The following TTYH3 variants were observed in gnomAD, a reference collection of about 807,000 sequenced individuals.
TTYH3 encodes tweety family member 3.
A neutral mutation model predicts 68.2 loss-of-function variants in TTYH3; 23 were observed. That is an observed-to-expected ratio of 0.34 (90% CI 0.24 to 0.48). The LOEUF (loss-of-function observed/expected upper bound fraction) is 0.48. Ranked by LOEUF, TTYH3 falls within the 20% of genes least tolerant of loss-of-function variation. The pLI is 0.99. For synonymous variants in TTYH3, 360 were observed against 332.8 expected (o/e 1.08, Z -0.89); for missense variants, 768 against 727.7 (o/e 1.06, Z -0.64).
chr7:2,661,645 G>A (rs760639030), intron 13 of TTYH3, 23 bp from the exon 14 acceptor site: 1 of 1,609,680 alleles, frequency 6.2e-7, no homozygotes, highest in East Asian at 2.2e-5. Context: ...CCCTGCTGAT[G>A]CCTCCCCCTT....
chr7:2,632,031 G>GCCGGA lies in TTYH3; in HGVS notation c.-123_-122insGGACC. 1 of 868,444 alleles carries GCCGGA rather than the reference G, an allele frequency of 1.2e-6. No individual in the cohort carries two copies. The highest frequency in any genetic ancestry group is 1.4e-6 in the Non-Finnish European group (1 of 689,658). 53.8% of individuals were successfully genotyped at this position (868,444 alleles called of 1,614,324 possible). ...GCCGGGCCGAGCCGGGCCGGGCCGGGCCCAGGAGCGCGCGGATGATGCGGG... is the reference window on the plus strand; with the variant it reads ...GCCGGGCCGAGCCGGGCCGGGCCGGGCCGGACCCAGGAGCGCGCGGATGATGCGGG... On this transcript the variant is annotated 5_prime_UTR_variant, in exon 1 of 14. Transcript: ENST00000258796.
At chr7:2,656,293 G>T in intron 10 of TTYH3, 105 bp from the exon 11 acceptor site, 1 of 1,566,694 alleles carries the variant, frequency 6.4e-7, no homozygotes, top group East Asian at 2.3e-5. Context: ...CCTCAGCCCT[G>T]CCTCTGGGGG....
At chr7:2,647,729 G>T (rs550195830) in intron 4 of TTYH3, 91 bp downstream of exon 4, 3 of 1,358,404 alleles carry the variant, frequency 2.2e-6, no homozygotes, top group East Asian at 5.0e-5. Flanking sequence ...AGTACATGAG[G>T]CCTGATGGGC....
intron 1 of TTYH3, chr7:2,646,013 G>A (rs2114984125): frequency 6.1e-6 from 2 of 327,138 alleles, no homozygotes; most frequent in Admixed American, 7.9e-5. Context: ...CGGGGGAGCA[G>A]CAGCACTTTT....
intron 1 of TTYH3, among the ~76,000 whole-genome samples, chr7:2,636,311 C>T (rs897943283): frequency 2.6e-5 from 4 of 152,170 alleles, no homozygotes; most frequent in African/African-American, 4.8e-5. Flanking sequence ...TTGTCATTTA[C>T]GAAAGCAGTA....
rs1434662669 is a variant in TTYH3 at position 2,632,114 on chromosome 7, C to A, written c.-42C>A. 1.2e-5 allele frequency: 16 copies of A among 1,313,488 alleles called. No homozygotes were observed. The highest frequency in any genetic ancestry group is 1.6e-5 in the Non-Finnish European group (16 of 1,026,512). The allele number at this position is 1,313,488 out of a possible 1,614,324, so 81.4% of individuals were successfully genotyped here. On this transcript the variant is annotated 5_prime_UTR_variant, in exon 1 of 14. Coordinates refer to ENST00000258796, the MANE Select transcript of TTYH3 (RefSeq NM_025250.3). ...CCGCGCCCCGGGCCAGCAAGGGAGC[C>A]CCGCGCAGGCCGCGCGCATCCGGAG...
At chr7:2,633,829 A>C (rs990190388) in intron 1 of TTYH3, among the ~76,000 whole-genome samples, 2 of 152,206 alleles carry the variant, frequency 1.3e-5, no homozygotes, top group Admixed American at 6.5e-5. Context: ...CCGAGCTGCC[A>C]GCCACAGTTG....
At chr7:2,659,237 C>T (rs1786424573) in intron 13 of TTYH3, among the ~76,000 whole-genome samples, 1 of 152,190 alleles carries the variant, frequency 6.6e-6, no homozygotes, top group Admixed American at 6.5e-5. Context: ...CAGCTCCTCC[C>T]CGCTGGCCTT....
chr7:2,633,927 C>T (rs1039624973), intron 1 of TTYH3, among the ~76,000 whole-genome samples: 2 of 152,224 alleles, frequency 1.3e-5, no homozygotes, highest in Non-Finnish European at 2.9e-5. Context: ...GTCTGCAGCC[C>T]ACAAGAGCCT....
chr7:2,636,372 CCCT>C (rs1562706064), intron 1 of TTYH3, among the ~76,000 whole-genome samples: 1 of 152,122 alleles, frequency 6.6e-6, no homozygotes, highest in African/African-American at 2.4e-5. Flanking sequence ...ACAGAAGCGT[CCCT>C]CCAGCTGGGT....
chr7:2,654,705 G>T (rs576070351), intron 9 of TTYH3, among the ~76,000 whole-genome samples: 21 of 152,288 alleles, frequency 1.4e-4, no homozygotes, highest in African/African-American at 4.6e-4. Context: ...TTTGCTTGTA[G>T]ACGCTGTCTT....
In TTYH3 at chr7:2,645,228, G is replaced by A. The variant is rs1276993342; in HGVS notation, c.124-1625G>A. Among the ~76,000 whole-genome samples the A allele has an allele frequency of 6.6e-6, 1 of 151,960 alleles. No individual in the cohort carries two copies. The highest frequency in any genetic ancestry group is 2.4e-5 in the African/African-American group (1 of 41,352). On this transcript the variant is annotated intron_variant, in intron 1 of 13. Transcript: ENST00000258796. The surrounding 1 kb of genome is among the most constrained non-coding windows in gnomAD (Gnocchi z 4.8). The stretch of plus-strand genomic sequence containing the variant: ...TCCCCCGGCACAGGAAGTGTGTGGA[G>A]GTTCTGGAGGGCTGAGCCGGGGGCA...
rs771582214 is a variant in TTYH3, at chr7:2,652,943, T to G, written c.953T>G (p.Leu318Arg). ...AAGCTGTCGGGCAGCCACAAGGCAC[T>G]GGTGGAGATGCAGGATGTCGTGGCT... ...QQKLSGSHKALVEMQDVVAEL... is the reference protein window; with the variant it reads ...QQKLSGSHKARVEMQDVVAEL... Residue 318 changes from leucine (L) to arginine (R), a missense_variant, in exon 9 of 14, where the codon CTG becomes CGG. By Grantham distance (102) the Leu-to-Arg change is moderately radical. Transcript: ENST00000258796. 3.7e-5 allele frequency: 59 copies of G among 1,575,138 alleles called. No homozygotes were observed. The highest frequency in any genetic ancestry group is 4.9e-5 in the Non-Finnish European group (57 of 1,160,696).
chr7:2,643,580 CT>C (rs1294784001), intron 1 of TTYH3, among the ~76,000 whole-genome samples: 3 of 152,230 alleles, frequency 2.0e-5, no homozygotes, highest in African/African-American at 2.4e-5. Flanking sequence ...CCCACTGCCC[CT>C]GGGCATCAGC....
chr7:2,658,871 G>C, intron 12 of TTYH3, 69 bp from the exon 13 acceptor site: 2 of 1,499,056 alleles, frequency 1.3e-6, no homozygotes, highest in Non-Finnish European at 1.8e-6. Flanking sequence ...CTACCCATGG[G>C]CCCCCCGACC....
In TTYH3 at chr7:2,656,084, C is replaced by A. The variant is rs199910535; in HGVS notation, c.1021-8C>A. 1.3e-6 allele frequency: 2 copies of A among 1,532,394 alleles called. No individual in the cohort carries two copies. Among genetic ancestry groups the A allele is most frequent in the Admixed American group, 2.0e-5 (1 of 50,734 alleles). 94.9% of individuals were successfully genotyped at this position (1,532,394 alleles called of 1,614,324 possible). A position where few individuals can be genotyped will look rare whatever the true frequency, so the allele number is the denominator to read the frequency against. ...AAGTGCTGACCATCTGCGGTGCGTG[C>A]CCCCCAGGACCCCCTCCTCCGCGTC... On this transcript the variant is annotated splice_polypyrimidine_tract_variant and splice_region_variant and intron_variant, in intron 9 of 13. Coordinates refer to ENST00000258796, the MANE Select transcript of TTYH3 (RefSeq NM_025250.3).
chr7:2,632,865 C>G (rs1293506369), intron 1 of TTYH3, among the ~76,000 whole-genome samples: 8 of 152,348 alleles, frequency 5.3e-5, no homozygotes. Flanking sequence ...TGACCCCCTG[C>G]TTGGCGGTCA....
At chr7:2,652,787 C>T (rs1261141425) in intron 8 of TTYH3, 131 bp from the exon 9 acceptor site, 1 of 709,058 alleles carries the variant, frequency 1.4e-6, no homozygotes, top group Non-Finnish European at 2.4e-6. Flanking sequence ...GCCCTGTTGG[C>T]CTGCAGAGCA....
In TTYH3 at chr7:2,647,818, A is replaced by T; in HGVS notation, c.627-141A>T. 7 of 1,102,640 alleles carry T rather than the reference A, an allele frequency of 6.3e-6. No homozygotes were observed. The South Asian group carries it at 6.9e-5, about 11-fold the overall frequency. 68.3% of individuals were successfully genotyped at this position (1,102,640 alleles called of 1,614,324 possible). ...ATGGGAGCCTTTCTCAAGAACTGAC[A>T]CCAGTCCCCATGACCCAGACGCTCT... On this transcript the variant is annotated intron_variant, in intron 4 of 13. Coordinates refer to ENST00000258796, the MANE Select transcript of TTYH3 (RefSeq NM_025250.3).
Sources: gnomAD v4.1 joint callset for allele counts (sites outside exome capture counted in the v4.1 genomes callset) on GRCh38, gnomAD v4.1.1 for gene constraint, Gnocchi (gnomAD v3.1) non-coding constraint, MANE v1.5 for transcripts, NCBI Gene and HGNC (gene_info 2026-07-23, HGNC 2026-07-21) for gene names.